MYOF: variants seen among roughly 807,000 people sequenced by gnomAD.
The protein encoded by MYOF is myoferlin.
MYOF carries 244 observed loss-of-function variants against 284.2 expected under a neutral mutation model. The observed-to-expected ratio is 0.86, with a 90% CI of 0.77 to 0.95. MYOF has a LOEUF of 0.95. Among genes scored for constraint, MYOF ranks in the 40% least tolerant of loss-of-function variants. The pLI is 0.00. For missense variants in MYOF, 2,496 were observed against 2,560.6 expected, an observed-to-expected ratio of 0.97 and a Z score of 0.54; for synonymous variants, 904 against 919.7, an observed-to-expected ratio of 0.98 and a Z score of 0.31.
At chr10:93,385,916 A>T (rs75564310) in intron 19 of MYOF, among the ~76,000 whole-genome samples, 8,387 of 151,802 alleles carry the variant, frequency 0.055, 319 homozygotes, top group Middle Eastern at 0.12. Context: ...AACTATTTGC[A>T]GTGAAGAAAA....
chr10:93,319,974 ATCTGTTT>A lies in MYOF; in HGVS notation c.5489_5495del (p.Lys1830MetfsTer52). ...CACCATCCAAAGATCTGTAATGGAC[ATCTGTTT>A]TCTGTTTGTTTTCTTCATTGCCAGG... On this transcript the variant is annotated frameshift_variant, in exon 49 of 54. Transcript: ENST00000359263. LOFTEE classifies it high-confidence loss of function. The A allele has an allele frequency of 6.2e-7, 1 of 1,614,174 alleles. No individual in the cohort carries two copies. The highest frequency in any genetic ancestry group is 8.5e-7 in the Non-Finnish European group (1 of 1,180,002).
intron 1 of MYOF, among the ~76,000 whole-genome samples, chr10:93,467,615 C>T (rs1055796513): frequency 1.3e-5 from 2 of 151,936 alleles, no homozygotes; most frequent in African/African-American, 4.8e-5. Flanking sequence ...CCAGCCATCC[C>T]ATTACTGGGT....
intron 3 of MYOF, among the ~76,000 whole-genome samples, chr10:93,432,352 T>C (rs181183910): frequency 1.3e-4 from 19 of 151,828 alleles, no homozygotes; most frequent in East Asian, 1.2e-3. Flanking sequence ...TGTATCACTG[T>C]ACCCAGGCTG....
rs12356308 is a variant in MYOF at position 93,342,909 on chromosome 10, T to C, written c.4326+947A>G. Among the ~76,000 whole-genome samples, 1,375 of 152,306 alleles carry C rather than the reference T, an allele frequency of 9.0e-3. 9 individuals are homozygous for C. Among genetic ancestry groups the C allele is most frequent in the Non-Finnish European group, 0.015 (995 of 68,020 alleles). The stretch of plus-strand genomic sequence containing the variant: ...ATCACAGTAGTTTTGGCCCATGAGA[T>C]TGGAAATTTGATATTGTCGTTTGTG... On this transcript the variant is annotated intron_variant, in intron 38 of 53. Transcript: ENST00000359263.
At chr10:93,349,702 A>G (rs1232915081) in intron 36 of MYOF, 106 bp downstream of exon 36, 5 of 1,339,388 alleles carry the variant, frequency 3.7e-6, no homozygotes, top group East Asian at 2.4e-5. Context: ...GGGTTTTTCT[A>G]TTTGTCAGGT....
At chr10:93,442,661 T>C (rs1336294393) in intron 3 of MYOF, among the ~76,000 whole-genome samples, 1 of 152,214 alleles carries the variant, frequency 6.6e-6, no homozygotes, top group Non-Finnish European at 1.5e-5. Flanking sequence ...TATATAATGG[T>C]GGTTTTGCAT....
At position 93,348,968 on chromosome 10, in the gene MYOF, C is replaced by T. The variant is rs540170264; in HGVS notation, c.4083+840G>A. ...ATTTCCCCTCTTTAGGCCTCAGTTT[C>T]CTCCTCTGTAATGTAAAATAAGAGG... On this transcript the variant is annotated intron_variant, in intron 36 of 53. Transcript: ENST00000359263. Among the ~76,000 whole-genome samples the T allele has an allele frequency of 2.0e-5, 3 of 152,212 alleles. No homozygotes were observed. The South Asian group carries it at 6.2e-4, about 32-fold the overall frequency.
At chr10:93,463,540 C>A (rs1323251859) in intron 1 of MYOF, among the ~76,000 whole-genome samples, 10 of 151,370 alleles carry the variant, frequency 6.6e-5, no homozygotes, top group African/African-American at 2.4e-4. Context: ...GCTGAGATTA[C>A]AGGTGCCCAC....
At chr10:93,333,526 G>T (rs988123842) in intron 42 of MYOF, among the ~76,000 whole-genome samples, 1 of 151,840 alleles carries the variant, frequency 6.6e-6, no homozygotes, top group African/African-American at 2.4e-5. Flanking sequence ...GGGCGGGGGG[G>T]AGTCCTGGCT....
rs749033013 is a variant in MYOF, at chr10:93,338,429, G to T, written c.4339-516C>A. The T allele has an allele frequency of 3.1e-5, 14 of 455,606 alleles. No homozygotes were observed. In the East Asian group the frequency reaches 9.0e-4, roughly 29 times the overall value. 28.2% of individuals were successfully genotyped at this position (455,606 alleles called of 1,614,324 possible). On this transcript the variant is annotated intron_variant, in intron 39 of 53. Coordinates refer to ENST00000359263, the MANE Select transcript of MYOF (RefSeq NM_013451.4). Reference sequence around the variant, plus strand: ...TTATGTTTCAAGCTGTACTGGCTTGGGCAAGTTGTTTAACATCTCTGAGCA... The same window carrying T: ...TTATGTTTCAAGCTGTACTGGCTTGTGCAAGTTGTTTAACATCTCTGAGCA...
intron 13 of MYOF, among the ~76,000 whole-genome samples, chr10:93,398,217 T>C (rs1246429474): frequency 6.6e-6 from 1 of 152,098 alleles, no homozygotes; most frequent in Non-Finnish European, 1.5e-5. Flanking sequence ...TTTTCTTCCT[T>C]GGGGCCCTTC....
chr10:93,419,590 AG>A lies in MYOF; in HGVS notation c.433+6480del, dbSNP rs1848271631. On this transcript the variant is annotated intron_variant, in intron 5 of 53. Coordinates refer to ENST00000359263, the MANE Select transcript of MYOF (RefSeq NM_013451.4). ...ATTATGACTTCTCAAGGGCTGTGCT[AG>A]GCACCATGAATACAGAGTTGCAATA... 3.3e-5 allele frequency among the ~76,000 whole-genome samples: 5 copies of A among 152,374 alleles called. No individual in the cohort carries two copies. The South Asian group carries it at 8.3e-4, about 25-fold the overall frequency.
intron 48 of MYOF, among the ~76,000 whole-genome samples, 188 bp downstream of exon 48, chr10:93,322,886 TAAAC>T (rs1564617158): frequency 1.3e-5 from 2 of 152,230 alleles, no homozygotes; most frequent in African/African-American, 4.8e-5. Flanking sequence ...GCTTTCCTCA[TAAAC>T]AAAGTCTGTA....
chr10:93,320,533 T>G (rs1248197173), intron 48 of MYOF, among the ~76,000 whole-genome samples: 1 of 152,364 alleles, frequency 6.6e-6, no homozygotes, highest in East Asian at 1.9e-4. Context: ...ATAATATTAA[T>G]GATACCGGCA....
chr10:93,466,761 T>C (rs1320754208), intron 1 of MYOF, among the ~76,000 whole-genome samples: 2 of 152,074 alleles, frequency 1.3e-5, no homozygotes, highest in Non-Finnish European at 1.5e-5. Flanking sequence ...ATGGCTTGAG[T>C]CCAGGAGTTT....
rs1242048104 is a variant in MYOF at position 93,392,948 on chromosome 10, T to C, written c.1425A>G (p.Ser475=). Residue 475 remains serine, a synonymous_variant, in exon 17 of 54, where the codon TCA becomes TCG. Transcript: ENST00000359263. ...ATGATGCAGCCCCAGTTCCCGAAGA[T>C]GAGAAATCTATATAGTAAAAATATG... ...AASGGEVEDF[S]SSGTGAASYT... The C allele has an allele frequency of 6.2e-7, 1 of 1,612,120 alleles. No homozygotes were observed.
intron 27 of MYOF, among the ~76,000 whole-genome samples, 181 bp downstream of exon 27, chr10:93,363,780 C>T (rs1260092953): frequency 6.6e-6 from 1 of 152,216 alleles, no homozygotes; most frequent in African/African-American, 2.4e-5. Flanking sequence ...GGCCTCATTT[C>T]TATTCTAAAG....
chr10:93,417,075 A>T (rs1170515320), intron 5 of MYOF, among the ~76,000 whole-genome samples: 1 of 152,174 alleles, frequency 6.6e-6, no homozygotes, highest in Non-Finnish European at 1.5e-5. Context: ...AGATCTGTTG[A>T]TTCACAGTGG....
intron 25 of MYOF, among the ~76,000 whole-genome samples, chr10:93,368,641 A>T (rs370989244): frequency 6.6e-6 from 1 of 152,210 alleles, no homozygotes; most frequent in African/African-American, 2.4e-5. Flanking sequence ...TTATTTATTC[A>T]TTCAATAAAC....
Sources: allele counts gnomAD v4.1 joint callset (sites outside exome capture counted in the v4.1 genomes callset), GRCh38; gene constraint gnomAD v4.1.1; transcripts MANE v1.5; gene names NCBI Gene and HGNC (gene_info 2026-07-23, HGNC 2026-07-21).